The following OVCH2 variants were observed in gnomAD, a reference collection of about 807,000 sequenced individuals.
The protein encoded by OVCH2 is ovochymase-2.
A neutral mutation model predicts 73.7 loss-of-function variants in OVCH2; 88 were observed. The ratio of observed to expected loss-of-function variants is 1.19; its 90% CI spans 1.01 to 1.43. The LOEUF (loss-of-function observed/expected upper bound fraction) is 1.43. OVCH2 is among the 40% of genes most tolerant of loss of function. The pLI is 0.00. For missense variants in OVCH2, 706 were observed against 674.5 expected (o/e 1.05, Z -0.52); for synonymous variants, 265 against 234.5 (o/e 1.13, Z -1.19).
chr11:7,704,838 T>A (rs1420315928), intron 1 of OVCH2, among the ~76,000 whole-genome samples, 164 bp from the exon 2 acceptor site: 1 of 152,196 alleles, frequency 6.6e-6, no homozygotes, highest in African/African-American at 2.4e-5. Flanking sequence ...TCTTGAGGGA[T>A]GAAAAGTGAC....
At chr11:7,695,834 T>C in intron 10 of OVCH2, 124 bp from the exon 11 acceptor site, 2 of 1,285,476 alleles carry the variant, frequency 1.6e-6, no homozygotes, top group Non-Finnish European at 2.2e-6. Context: ...TTCTCAGTCT[T>C]GTCACAATTG....
At chr11:7,704,997 A>G (rs780629054) in intron 1 of OVCH2, among the ~76,000 whole-genome samples, 16 of 152,160 alleles carry the variant, frequency 1.1e-4, no homozygotes, top group Non-Finnish European at 1.5e-4. Context: ...TTTGCCCTCA[A>G]TGGGTTTTCT....
chr11:7,701,413 C>A lies in OVCH2; in HGVS notation c.622G>T (p.Val208Leu). 2.5e-6 allele frequency: 4 copies of A among 1,612,804 alleles called. No individual in the cohort carries two copies. Among genetic ancestry groups the A allele is most frequent in the Non-Finnish European group, 3.4e-6 (4 of 1,179,510 alleles). The change falls in exon 6 of 16, where the codon GTG becomes TTG. Residue 208 changes from valine to leucine, a missense_variant. Transcript: ENST00000533663. ...NLPILTWEEC[V>L]AALLTLKRPI... Reference sequence around the variant, plus strand: ...CTCTTTAGTGTTAACAGAGCTGCCACACACTCTTCCCAGGTCAAAATAGGC... The same window carrying A: ...CTCTTTAGTGTTAACAGAGCTGCCAAACACTCTTCCCAGGTCAAAATAGGC...
At chr11:7,700,673 C>T (rs967031583) in intron 6 of OVCH2, among the ~76,000 whole-genome samples, 188 bp from the exon 7 acceptor site, 1 of 152,188 alleles carries the variant, frequency 6.6e-6, no homozygotes, top group Non-Finnish European at 1.5e-5. Context: ...TCACTGGAAC[C>T]CAACAATCCC....
At chr11:7,690,046 C>G (rs1348614363) in intron 14 of OVCH2, 33 bp from the exon 15 acceptor site, 4 of 1,370,846 alleles carry the variant, frequency 2.9e-6, no homozygotes, top group Non-Finnish European at 3.0e-6. Context: ...TACTCAGTTT[C>G]CACAAAGACA....
At chr11:7,704,208 A>G (rs1428539984) in intron 2 of OVCH2, among the ~76,000 whole-genome samples, 1 of 152,176 alleles carries the variant, frequency 6.6e-6, no homozygotes, top group African/African-American at 2.4e-5. Flanking sequence ...GAGCCTTTCA[A>G]CACATACTCC....
At position 7,691,889 on chromosome 11, in the gene OVCH2, A is replaced by C. The variant is rs374685738; in HGVS notation, c.1507+13T>G. 31 of 1,552,456 alleles carry C rather than the reference A, an allele frequency of 2.0e-5. 1 individual carries two copies. Among genetic ancestry groups the C allele is most frequent in the South Asian group, 1.9e-4 (16 of 84,266 alleles). On this transcript the variant is annotated intron_variant, in intron 13 of 15. Coordinates refer to ENST00000533663, the MANE Select transcript of OVCH2 (RefSeq NM_198185.7). ...CACAAACCAGAGCGAGCTGAGGCTC[A>C]GAGGACACAAACCTATTTCCTTCTT...
Position 7,706,342 on chromosome 11 carries a change from T to A in OVCH2, c.53A>T (p.Glu18Val). The A allele has an allele frequency of 6.3e-7, 1 of 1,590,574 alleles. No individual in the cohort carries two copies. The highest frequency in any genetic ancestry group is 8.6e-7 in the Non-Finnish European group (1 of 1,167,066). ...LILLLGIVFFERGKSATLSLP... is the reference protein window; with the variant it reads ...LILLLGIVFFVRGKSATLSLP... ...CGAAAGAGTTGCAGATTTACCTCGT[T>A]CAAAAAAGACTATTCCTAGTAGTAA... Residue 18 changes from glutamate to valine, a missense_variant, in exon 1 of 16, where the codon GAA (glutamate) becomes GTA (valine). By Grantham distance (121) the Glu-to-Val change is moderately radical. Transcript: ENST00000533663.
In OVCH2 at chr11:7,701,475, C is replaced by T. The variant is rs780635062; in HGVS notation, c.560G>A (p.Gly187Asp). 1 of 1,608,800 alleles carries T rather than the reference C, an allele frequency of 6.2e-7. No homozygotes were observed. The highest frequency in any genetic ancestry group is 1.7e-5 in the Admixed American group (1 of 59,268). Residue 187 changes from glycine to aspartate, a missense_variant and splice_region_variant, in exon 6 of 16, where the codon GGT becomes GAT. Physicochemically the swap from Gly to Asp is moderately conservative, Grantham distance 94. Transcript: ENST00000533663. ...TTAGWGRLTE[G>D]GVLSQVLQEV... ...CTGCAAGACTTGTGAGAGGACGCCA[C>T]CTGAAAAACAGAGAGATGGAAGCCC...
Position 7,691,315 on chromosome 11 carries a change from C to T in OVCH2, c.1593G>A (p.Gly531=). ...CTGTAGCCTGAAAGCCCCTGCAGGT[C>T]CCGTTTTCATCTGATTGGAAGCTGA... The part of the protein sequence containing the change: ...MLISFQSDEN[G]TCRGFQATVS... The change falls in exon 14 of 16, where the codon GGG becomes GGA. Residue 531 remains glycine (G), a synonymous_variant. Coordinates refer to ENST00000533663, the MANE Select transcript of OVCH2 (RefSeq NM_198185.7). The T allele has an allele frequency of 1.2e-6, 2 of 1,613,806 alleles. No homozygotes were observed. The highest frequency in any genetic ancestry group is 1.7e-6 in the Non-Finnish European group (2 of 1,179,834).
At chr11:7,705,426 G>A (rs540052550) in intron 1 of OVCH2, 3 of 152,290 alleles carry the variant, frequency 2.0e-5, no homozygotes, top group East Asian at 3.9e-4. Flanking sequence ...GCATAAGTAA[G>A]CACTTAGAAA....
intron 3 of OVCH2, 23 bp downstream of exon 3, chr11:7,703,675 C>T (rs760698290): frequency 1.3e-6 from 2 of 1,566,726 alleles, no homozygotes; most frequent in South Asian, 1.2e-5. Context: ...GTGGTCTTCA[C>T]TCATGGGCTA....
chr11:7,697,073 C>T (rs553389435), intron 8 of OVCH2: 2 of 439,092 alleles, frequency 4.6e-6, no homozygotes, highest in African/African-American at 4.0e-5. Flanking sequence ...GCCTCAATCT[C>T]TCACCGAGGG....
At chr11:7,700,591 C>T (rs1008060202) in intron 6 of OVCH2, 106 bp from the exon 7 acceptor site, 7 of 1,250,522 alleles carry the variant, frequency 5.6e-6, no homozygotes, top group African/African-American at 1.5e-5. Context: ...GACATCTCCT[C>T]ACTTCTAATA....
rs367671781 is a variant in OVCH2 at position 7,701,814 on chromosome 11, G to A, written c.464-3C>T. 1.1e-5 allele frequency: 17 copies of A among 1,605,778 alleles called. No individual in the cohort carries two copies. The highest frequency in any genetic ancestry group is 6.7e-5 in the Admixed American group (4 of 59,434). ...ACATATGGGCCCCACAAAGTGGCCT[G>A]AAGAAAAGAGCAAGGTAGGGCTTGT... On this transcript the variant is annotated splice_region_variant and splice_polypyrimidine_tract_variant and intron_variant, in intron 4 of 15. Transcript: ENST00000533663.
rs182659775 is a variant in OVCH2 at position 7,697,709 on chromosome 11, T to G, written c.926-910A>C. ...CATCTAATTGGCTCCCAATCCTCAT[T>G]TCTCGTTTCTATTCCTTCCTTTTCA... On this transcript the variant is annotated intron_variant, in intron 8 of 15. Transcript: ENST00000533663. Among the ~76,000 whole-genome samples, 19 of 152,276 alleles carry G rather than the reference T, an allele frequency of 1.2e-4. No individual in the cohort carries two copies. The East Asian group carries it at 3.3e-3, about 26-fold the overall frequency.
chr11:7,683,953 A>G, the OVCH2 span, among the ~76,000 whole-genome samples: 1 of 151,218 alleles, frequency 6.6e-6, no homozygotes, highest in Non-Finnish European at 1.5e-5. Flanking sequence ...ACTATCCCCT[A>G]TTCCTGCTTT....
rs1281038741 is a variant in OVCH2 at position 7,690,499 on chromosome 11, C to T, written c.1640-486G>A. On this transcript the variant is annotated intron_variant, in intron 14 of 15. Transcript: ENST00000533663. The stretch of plus-strand genomic sequence containing the variant: ...TGAGGTGACTCTTAAGATTACACAT[C>T]TAGTAATGATTGGCCATCAGGATTC... Among the ~76,000 whole-genome samples, 6 of 66,736 alleles carry T rather than the reference C, an allele frequency of 9.0e-5. No homozygotes were observed. The East Asian group carries it at 2.5e-3, about 28-fold the overall frequency. The allele number at this position is 66,736 out of a possible 152,430, so 43.8% of individuals were successfully genotyped here.
intron 1 of OVCH2, 101 bp downstream of exon 1, chr11:7,706,206 T>C: frequency 8.4e-7 from 1 of 1,189,964 alleles, no homozygotes; most frequent in Non-Finnish European, 1.2e-6. Context: ...ATATATTTGC[T>C]TCTCCTATTT....
Sources: gnomAD v4.1 joint callset for allele counts (sites outside exome capture counted in the v4.1 genomes callset) on GRCh38, gnomAD v4.1.1 for gene constraint, MANE v1.5 for transcripts, NCBI Gene and HGNC (gene_info 2026-07-23, HGNC 2026-07-21) for gene names.